NPSR1: variants seen among roughly 807,000 people sequenced by gnomAD.
The protein encoded by NPSR1 is neuropeptide S receptor.
NPSR1 carries 48 observed loss-of-function variants against 46.9 expected under a neutral mutation model. The ratio of observed to expected loss-of-function variants is 1.02; its 90% confidence interval spans 0.81 to 1.30. The LOEUF is 1.30. Among genes scored for constraint, NPSR1 ranks in the 50% most tolerant of loss-of-function variants. The pLI is 0.00. For synonymous variants in NPSR1, 176 were observed against 168.1 expected, an observed-to-expected ratio of 1.05 and a Z score of -0.36; for missense variants, 450 against 449.5, an observed-to-expected ratio of 1.00 and a Z score of -0.01.
At chr7:34,723,929 C>T (rs896411867) in intron 2 of NPSR1, among the ~76,000 whole-genome samples, 1 of 152,202 alleles carries the variant, frequency 6.6e-6, no homozygotes, top group African/African-American at 2.4e-5. Context: ...TTATAACAAT[C>T]ACATGAAGAA....
At chr7:34,802,662 A>G (rs1373688222) in intron 3 of NPSR1, among the ~76,000 whole-genome samples, 2 of 150,466 alleles carry the variant, frequency 1.3e-5, no homozygotes. Flanking sequence ...ATGGGCAAGG[A>G]CTTCATGTCT....
At chr7:34,874,994 C>T (rs1246752391) in intron 8 of NPSR1, among the ~76,000 whole-genome samples, 1 of 152,174 alleles carries the variant, frequency 6.6e-6, no homozygotes, top group African/African-American at 2.4e-5. Context: ...ACTTATCTCA[C>T]CTGGTGCACT....
At chr7:34,860,278 A>G (rs1791157901) in intron 8 of NPSR1, among the ~76,000 whole-genome samples, 1 of 151,792 alleles carries the variant, frequency 6.6e-6, no homozygotes, top group Non-Finnish European at 1.5e-5. Context: ...TAGAGCAGCC[A>G]TTCTTAAATA....
chr7:34,685,513 A>G (rs2128685198), intron 2 of NPSR1, among the ~76,000 whole-genome samples: 1 of 152,322 alleles, frequency 6.6e-6, no homozygotes, highest in East Asian at 1.9e-4. Flanking sequence ...AAAAAATGCA[A>G]AAGGAAAAAT....
chr7:34,856,391 C>A (rs1282680369), intron 8 of NPSR1, among the ~76,000 whole-genome samples: 1 of 151,548 alleles, frequency 6.6e-6, no homozygotes, highest in Non-Finnish European at 1.5e-5. Flanking sequence ...GGGAAAGCTT[C>A]CTTTTTGCCC....
intron 2 of NPSR1, among the ~76,000 whole-genome samples, chr7:34,701,382 A>G (rs1442740052): frequency 6.6e-6 from 1 of 152,210 alleles, no homozygotes; most frequent in Non-Finnish European, 1.5e-5. Flanking sequence ...AAACTGTTAT[A>G]TCTCCCATTG....
intron 2 of NPSR1, among the ~76,000 whole-genome samples, chr7:34,714,611 T>C (rs1269077300): frequency 2.0e-5 from 3 of 152,116 alleles, no homozygotes; most frequent in Non-Finnish European, 4.4e-5. Flanking sequence ...GAAGATAAAC[T>C]TGAGGAGAAG....
chr7:34,702,760 T>G (rs1793896486), intron 2 of NPSR1, among the ~76,000 whole-genome samples: 2 of 152,206 alleles, frequency 1.3e-5, no homozygotes, highest in African/African-American at 2.4e-5. Flanking sequence ...AATTCTGTAT[T>G]ATTTATTTAG....
intron 2 of NPSR1, among the ~76,000 whole-genome samples, chr7:34,738,054 G>A (rs565527342): frequency 2.0e-5 from 3 of 152,318 alleles, no homozygotes; most frequent in South Asian, 2.1e-4. Flanking sequence ...GTTTTTGAAC[G>A]AAAGGATAAA....
At chr7:34,767,062 C>T (rs1237795473) in intron 2 of NPSR1, among the ~76,000 whole-genome samples, 1 of 152,138 alleles carries the variant, frequency 6.6e-6, no homozygotes, top group Non-Finnish European at 1.5e-5. Flanking sequence ...GAACTGTTCT[C>T]TATCCCGACT....
rs1242640035 is a variant in NPSR1, at chr7:34,849,847, T to C, written c.*192T>C. On this transcript the variant is annotated 3_prime_UTR_variant, in exon 9 of 9. Transcript: ENST00000360581. ...TTGGCCAACACGAACTCCCCAGTTA[T>C]TCATGCCAGCCAGGAAGGAAACGCC... 4.5e-6 allele frequency: 6 copies of C among 1,347,414 alleles called. No individual in the cohort carries two copies. The highest frequency in any genetic ancestry group is 3.8e-6 in the Non-Finnish European group (4 of 1,047,172). The allele number at this position is 1,347,414 out of a possible 1,614,324, so 83.5% of individuals were successfully genotyped here.
At chr7:34,696,579 G>C (rs921298110) in intron 2 of NPSR1, among the ~76,000 whole-genome samples, 1 of 151,922 alleles carries the variant, frequency 6.6e-6, no homozygotes, top group African/African-American at 2.4e-5. Context: ...CAATACAATA[G>C]TTAAACTTAG....
downstream of NPSR1, among the ~76,000 whole-genome samples, chr7:34,851,213 G>A (rs193007919): frequency 1.9e-3 from 277 of 146,838 alleles, 5 homozygotes; most frequent in Admixed American, 5.0e-3. Flanking sequence ...CATACTGCTA[G>A]TGGAGTCATT....
chr7:34,721,159 C>A (rs1783837987), intron 2 of NPSR1, among the ~76,000 whole-genome samples: 1 of 152,062 alleles, frequency 6.6e-6, no homozygotes, highest in African/African-American at 2.4e-5. Flanking sequence ...GATCAAGGAG[C>A]AATGCTTGAG....
At chr7:34,694,271 A>G (rs916191950) in intron 2 of NPSR1, among the ~76,000 whole-genome samples, 1 of 152,188 alleles carries the variant, frequency 6.6e-6, no homozygotes, top group African/African-American at 2.4e-5. Flanking sequence ...ACAGACTCCA[A>G]AAGACTCCTA....
At chr7:34,844,458 GT>G (rs544288242) in intron 6 of NPSR1, among the ~76,000 whole-genome samples, 30 of 147,136 alleles carry the variant, frequency 2.0e-4, no homozygotes, top group Admixed American at 8.8e-4. Flanking sequence ...TTGTTTTTTT[GT>G]TTTTTTTTTG....
chr7:34,728,800 G>A (rs1048120638), intron 2 of NPSR1: 2 of 152,596 alleles, frequency 1.3e-5, no homozygotes. Context: ...GTCTCCCTGC[G>A]TTTCTTCTCA....
chr7:34,720,754 G>T (rs1783814594), intron 2 of NPSR1, among the ~76,000 whole-genome samples: 1 of 152,156 alleles, frequency 6.6e-6, no homozygotes, highest in Non-Finnish European at 1.5e-5. Context: ...CCTGCCTCCA[G>T]ATGCATGTCA....
chr7:34,868,641 C>A (rs1171577663), intron 8 of NPSR1, among the ~76,000 whole-genome samples: 4 of 151,624 alleles, frequency 2.6e-5, no homozygotes, highest in Non-Finnish European at 5.9e-5. Flanking sequence ...GAGCTGGGTG[C>A]ATGAGATTGG....
Sources: gnomAD v4.1 joint callset for allele counts (sites outside exome capture counted in the v4.1 genomes callset) on GRCh38, gnomAD v4.1.1 for gene constraint, MANE v1.5 for transcripts, NCBI Gene and HGNC (gene_info 2026-07-23, HGNC 2026-07-21) for gene names.